The following PLXND1 variants were observed in gnomAD, a reference collection of about 807,000 sequenced individuals.
The protein encoded by PLXND1 is plexin-D1.
Under a neutral mutation model 197.7 loss-of-function variants are expected in PLXND1, and 54 were observed. The ratio of observed to expected loss-of-function variants is 0.27; its 90% CI spans 0.22 to 0.34. PLXND1 has a LOEUF of 0.34. PLXND1 is among the 10% of genes least tolerant of loss of function. The pLI, the probability that PLXND1 is intolerant of heterozygous loss-of-function variation, is 1.00. For synonymous variants in PLXND1, 1,180 were observed against 1,161.2 expected, an observed-to-expected ratio of 1.02 and a Z score of -0.33; for missense variants, 2,127 against 2,699.2, an observed-to-expected ratio of 0.79 and a Z score of 4.70.
rs1379115409 is a variant in PLXND1, at chr3:129,567,804, G to A, written c.3867C>T (p.Ala1289=). The change falls in exon 21 of 36, where the codon GCC becomes GCT. Residue 1289 remains alanine (A), a splice_region_variant and synonymous_variant. Coordinates refer to ENST00000324093, the MANE Select transcript of PLXND1 (RefSeq NM_015103.3). ...CSVLLLLSVV[A]LFVFCTKSRR... ...GGCTCTTGGTACAGAAGACGAACAGGGCTGCGGGCAGTGGAGAGGCAGGTC... is the reference window on the plus strand; with the variant it reads ...GGCTCTTGGTACAGAAGACGAACAGAGCTGCGGGCAGTGGAGAGGCAGGTC... The A allele has an allele frequency of 2.5e-6, 4 of 1,599,264 alleles. No homozygotes were observed. The South Asian group carries it at 3.3e-5, about 13-fold the overall frequency.
intron 19 of PLXND1, among the ~76,000 whole-genome samples, chr3:129,570,249 G>C (rs1418343858): frequency 6.6e-6 from 1 of 152,120 alleles, no homozygotes; most frequent in South Asian, 2.1e-4. Context: ...GCAGTTCACG[G>C]GGCCTGGCTG....
chr3:129,567,931 T>C, intron 20 of PLXND1, 126 bp from the exon 21 acceptor site: 2 of 236,138 alleles, frequency 8.5e-6, no homozygotes, highest in South Asian at 4.0e-5. Flanking sequence ...CCTGCAGTCC[T>C]CCCTCCTGGG....
In PLXND1 at chr3:129,606,141, C is replaced by A; in HGVS notation, c.499G>T (p.Ala167Ser). The change falls in exon 1 of 36, where the codon GCG becomes TCG. Residue 167 changes from alanine (A) to serine (S), a missense_variant. Physicochemically the swap from Ala to Ser is moderately conservative, Grantham distance 99. This residue lies in a region of PLXND1 where 245 missense variants were observed against 267.1 expected (regional missense o/e 0.92). Transcript: ENST00000324093. ...ACCGTGACGGGCTCGGCGGGCGGCG[C>A]GGCGGGCGGGAAGCGCACGGCCACG... ...SAVAVRFPPA[A>S]PPAEPVTVFP... The A allele has an allele frequency of 6.6e-7, 1 of 1,508,592 alleles. No individual in the cohort carries two copies. Among genetic ancestry groups the A allele is most frequent in the South Asian group, 1.3e-5 (1 of 78,872 alleles). 93.5% of individuals were successfully genotyped at this position (1,508,592 alleles called of 1,614,324 possible). A position where few individuals can be genotyped will look rare whatever the true frequency, so the allele number is the denominator to read the frequency against.
rs138452605 is a variant in PLXND1 at position 129,595,921 on chromosome 3, G to GCGCACACACACA, written c.1312-6395_1312-6394insTGTGTGTGTGCG. On this transcript the variant is annotated intron_variant, in intron 1 of 35. Coordinates refer to ENST00000324093, the MANE Select transcript of PLXND1 (RefSeq NM_015103.3). ...CTTACAGCCCTGGGGGTGCACGCAC[G>GCGCACACACACA]CACACACACACACACACACACACAC... 3.1e-3 allele frequency among the ~76,000 whole-genome samples: 455 copies of GCGCACACACACA among 146,506 alleles called. 4 individuals carry two copies. The highest frequency in any genetic ancestry group is 0.021 in the Middle Eastern group (6 of 284).
rs576341941 is a variant in PLXND1, at chr3:129,567,970, C to T, written c.3866-165G>A. 1.8e-3 allele frequency among the ~76,000 whole-genome samples: 273 copies of T among 151,194 alleles called. 4 individuals carry two copies. Among genetic ancestry groups the T allele is most frequent in the African/African-American group, 6.3e-3 (260 of 41,134 alleles). On this transcript the variant is annotated intron_variant, in intron 20 of 35. Coordinates refer to ENST00000324093, the MANE Select transcript of PLXND1 (RefSeq NM_015103.3). ...GGTTGGGGTGGGGGGTGGGGAGTTG[C>T]GGGGAGCTCTCCCGTGGACAGAGGG...
intron 1 of PLXND1, among the ~76,000 whole-genome samples, chr3:129,592,254 C>G (rs2085554814): frequency 6.6e-6 from 1 of 152,174 alleles, no homozygotes; most frequent in African/African-American, 2.4e-5. Flanking sequence ...CGGGGTCCCA[C>G]CCCTCAGCAA....
At position 129,559,778 on chromosome 3, in the gene PLXND1, C is replaced by T. The variant is rs763628900; in HGVS notation, c.5139G>A (p.Thr1713=). The part of the protein sequence containing the change: ...YLTRLLSTKG[T]LQKFLDDLFK... ...ACAGGTCATCCAGAAACTTCTGCAA[C>T]GTGCCCTGCGGGGGAGTGGGGTGGC... The change falls in exon 32 of 36, where the codon ACG becomes ACA. Residue 1713 remains threonine (T), a synonymous_variant. Transcript: ENST00000324093. 8.7e-6 allele frequency: 14 copies of T among 1,600,436 alleles called. No homozygotes were observed. The East Asian group carries it at 1.8e-4, about 21-fold the overall frequency.
At chr3:129,605,305 G>GCCGCCGCCT (rs1553794860) in intron 1 of PLXND1, 24 bp downstream of exon 1, 19 of 1,134,954 alleles carry the variant, frequency 1.7e-5, no homozygotes, top group Non-Finnish European at 2.1e-5. Flanking sequence ...CGCCGCCGCC[G>GCCGCCGCCT]CCGCCGCCAC....
In PLXND1 at chr3:129,562,908, G is replaced by A. The variant is rs1323153189; in HGVS notation, c.4704C>T (p.Asp1568=). The A allele has an allele frequency of 1.2e-6, 2 of 1,608,476 alleles. No individual in the cohort carries two copies. The highest frequency in any genetic ancestry group is 1.7e-6 in the Non-Finnish European group (2 of 1,175,298). Residue 1568 remains aspartate (D), a synonymous_variant, in exon 27 of 36, where the codon GAC becomes GAT. Coordinates refer to ENST00000324093, the MANE Select transcript of PLXND1 (RefSeq NM_015103.3). ...LNVSFQGCGM[D]SLSVRAMDTD... ...TGTCCATGGCCCGCACGCTCAGCGA[G>A]TCCATGCCACAGCCCTGGAAGGACA...
At chr3:129,563,326 C>T (rs767973558) in intron 25 of PLXND1, 86 bp from the exon 26 acceptor site, 16 of 1,127,494 alleles carry the variant, frequency 1.4e-5, no homozygotes, top group African/African-American at 1.4e-4. Context: ...CGCCCCCGTC[C>T]CCCAACCCCT....
In PLXND1 at chr3:129,566,635, C is replaced by A; in HGVS notation, c.4087-4G>T. ...GCTCTTCATAAAGGGAGGAACACTG[C>A]AGAGGCAGACCCCCAGCATCTCAGC... is the stretch of plus-strand genomic sequence containing the variant. On this transcript the variant is annotated splice_region_variant and splice_polypyrimidine_tract_variant and intron_variant, in intron 22 of 35. Coordinates refer to ENST00000324093, the MANE Select transcript of PLXND1 (RefSeq NM_015103.3). The A allele has an allele frequency of 6.4e-7, 1 of 1,563,694 alleles. No individual in the cohort carries two copies. The highest frequency in any genetic ancestry group is 8.8e-7 in the Non-Finnish European group (1 of 1,138,188).
Position 129,583,561 on chromosome 3 carries a change from G to C in PLXND1, c.2241+6C>G. 2 of 1,603,354 alleles carry C rather than the reference G, an allele frequency of 1.2e-6. No homozygotes were observed. The highest frequency in any genetic ancestry group is 2.2e-5 in the South Asian group (2 of 90,690). The stretch of plus-strand genomic sequence containing the variant: ...AGAGGCGGAGGGGCCCCCTAGCCTG[G>C]CTTACCGTGGGGTTTGGTGAGGCCT... On this transcript the variant is annotated splice_donor_region_variant and intron_variant, in intron 8 of 35. Coordinates refer to ENST00000324093, the MANE Select transcript of PLXND1 (RefSeq NM_015103.3).
rs1366987523 is a variant in PLXND1, at chr3:129,565,488, T to C, written c.4373A>G (p.Tyr1458Cys). 3 of 1,613,890 alleles carry C rather than the reference T, an allele frequency of 1.9e-6. No individual in the cohort carries two copies. The highest frequency in any genetic ancestry group is 2.5e-6 in the Non-Finnish European group (3 of 1,179,992). ...CAGCTCCTTCATGATGCTGGTGTAG[T>C]ACTCCAGCTTGCCGTGCAGCGCGAT... is the stretch of plus-strand genomic sequence containing the variant. Reference protein sequence around the residue: ...LTIALHGKLEYYTSIMKELLV... With the variant: ...LTIALHGKLECYTSIMKELLV... The change falls in exon 25 of 36, where the codon TAC (tyrosine) becomes TGC (cysteine). Residue 1458 changes from tyrosine (Y) to cysteine (C), a missense_variant. Transcript: ENST00000324093.
chr3:129,589,307 G>GCGGGGGGGCCCCCCCCCC, intron 2 of PLXND1, 44 bp downstream of exon 2: 1 of 684,692 alleles, frequency 1.5e-6, no homozygotes, highest in Non-Finnish European at 2.6e-6. Context: ...TCCCAGGGGA[G>GCGGGGGGGCCCCCCCCCC]CCTCCCACCC....
intron 2 of PLXND1, 44 bp downstream of exon 2, chr3:129,589,307 G>GCCGGGGCCCC: frequency 4.4e-6 from 3 of 684,692 alleles, no homozygotes; most frequent in East Asian, 3.6e-5. Context: ...TCCCAGGGGA[G>GCCGGGGCCCC]CCTCCCACCC....
intron 22 of PLXND1, 65 bp downstream of exon 22, chr3:129,567,427 C>G (rs1027271792): frequency 4.3e-6 from 4 of 933,408 alleles, no homozygotes; most frequent in Non-Finnish European, 6.9e-6. Context: ...TGGCAGGGCT[C>G]AGAGAGGTCG....
At chr3:129,570,757 T>C (rs1266869185) in intron 19 of PLXND1, 29 bp downstream of exon 19, 1 of 1,611,626 alleles carries the variant, frequency 6.2e-7, no homozygotes, top group Non-Finnish European at 8.5e-7. Flanking sequence ...GGGCCAGGTC[T>C]GCCCTGCTCC....
chr3:129,599,445 G>A (rs759839636), intron 1 of PLXND1, among the ~76,000 whole-genome samples: 5 of 152,330 alleles, frequency 3.3e-5, no homozygotes, highest in Non-Finnish European at 7.4e-5. Context: ...CTCACCTAGC[G>A]ATGTGCGCCT....
At chr3:129,585,870 C>A in intron 5 of PLXND1, 82 bp downstream of exon 5, 3 of 1,576,760 alleles carry the variant, frequency 1.9e-6, no homozygotes, top group Non-Finnish European at 2.6e-6. Flanking sequence ...GGGTGGGAGT[C>A]TCCACCTCTC....
Sources: allele counts gnomAD v4.1 joint callset (sites outside exome capture counted in the v4.1 genomes callset), GRCh38; gene constraint gnomAD v4.1.1; regional missense constraint gnomAD v4.1.1; transcripts MANE v1.5; gene names NCBI Gene and HGNC (gene_info 2026-07-23, HGNC 2026-07-21).